The following SCHIP1 variants were observed in gnomAD, a reference collection of about 807,000 sequenced individuals.
SCHIP1 encodes schwannomin-interacting protein 1.
A neutral mutation model predicts 29.7 loss-of-function variants in SCHIP1; 8 were observed. The ratio of observed to expected loss-of-function variants is 0.27; its 90% CI spans 0.16 to 0.49. The LOEUF is 0.49. Among genes scored for constraint, SCHIP1 ranks in the 20% least tolerant of loss-of-function variants. The pLI, the probability that SCHIP1 is intolerant of heterozygous loss-of-function variation, is 0.99. For missense variants in SCHIP1, 193 were observed against 294.6 expected, an observed-to-expected ratio of 0.66 and a Z score of 2.52; for synonymous variants, 76 against 94.9, an observed-to-expected ratio of 0.80 and a Z score of 1.16.
the SCHIP1 span, among the ~76,000 whole-genome samples, chr3:159,810,392 T>G: frequency 6.6e-6 from 1 of 152,206 alleles, no homozygotes; most frequent in South Asian, 2.1e-4. Flanking sequence ...TAAGCATAGT[T>G]TTGTTCAAAC....
At chr3:159,425,391 C>T in the SCHIP1 span, among the ~76,000 whole-genome samples, 2 of 150,276 alleles carry the variant, frequency 1.3e-5, no homozygotes, top group East Asian at 3.9e-4. Flanking sequence ...GGGTTGCAAT[C>T]CTAGTCTCTG....
chr3:159,833,755 G>A, the SCHIP1 span, among the ~76,000 whole-genome samples: 10,214 of 152,158 alleles, frequency 0.067, 1,092 homozygotes, highest in African/African-American at 0.23. Flanking sequence ...CTTCAACTGC[G>A]AATTTTATGA....
chr3:159,850,400 G>A (rs561148496), intron 1 of SCHIP1, among the ~76,000 whole-genome samples: 1 of 151,868 alleles, frequency 6.6e-6, no homozygotes, highest in African/African-American at 2.4e-5. Context: ...CTAAAAATAC[G>A]AAAATTAGCT....
At chr3:159,793,023 T>C in the SCHIP1 span, among the ~76,000 whole-genome samples, 7 of 152,208 alleles carry the variant, frequency 4.6e-5, no homozygotes, top group Admixed American at 4.6e-4. Flanking sequence ...ATGAAAATGT[T>C]TGCAACCAGT....
At chr3:159,302,340 A>G in the SCHIP1 span, among the ~76,000 whole-genome samples, 1 of 151,440 alleles carries the variant, frequency 6.6e-6, no homozygotes, top group Non-Finnish European at 1.5e-5. Context: ...GTTTATTGTA[A>G]TCTAGTAGTT....
At chr3:159,843,397 T>A (rs895177839) in intron 1 of SCHIP1, among the ~76,000 whole-genome samples, 2 of 152,170 alleles carry the variant, frequency 1.3e-5, no homozygotes, top group Non-Finnish European at 1.5e-5. Context: ...TTGTCTATTT[T>A]CTGGCTCCCT....
chr3:159,887,981 G>A, intron 4 of SCHIP1, 76 bp downstream of exon 5: 1 of 1,556,952 alleles, frequency 6.4e-7, no homozygotes. Flanking sequence ...TCCTTTCCCA[G>A]AATTATGCAA....
the SCHIP1 span, among the ~76,000 whole-genome samples, chr3:159,590,522 G>A: frequency 1.3e-5 from 2 of 152,018 alleles, no homozygotes. Flanking sequence ...GTTGCAGTGA[G>A]CTGAAATTGT....
chr3:159,435,961 A>G, the SCHIP1 span, among the ~76,000 whole-genome samples: 1 of 152,144 alleles, frequency 6.6e-6, no homozygotes. Flanking sequence ...GGCCAAAGGG[A>G]AGAAGAGCCA....
the SCHIP1 span, among the ~76,000 whole-genome samples, chr3:159,780,913 C>T: frequency 6.8e-4 from 104 of 152,348 alleles, no homozygotes; most frequent in African/African-American, 2.4e-3. Context: ...CTGATGCCAG[C>T]TCAGATGCGT....
the SCHIP1 span, among the ~76,000 whole-genome samples, chr3:159,276,707 C>T: frequency 6.6e-6 from 1 of 152,158 alleles, no homozygotes; most frequent in South Asian, 2.1e-4. Flanking sequence ...AGGGACTTTT[C>T]ATGCAAGATA....
the SCHIP1 span, among the ~76,000 whole-genome samples, chr3:159,712,544 C>T: frequency 6.6e-6 from 1 of 151,322 alleles, no homozygotes; most frequent in Admixed American, 6.6e-5. Context: ...TAGAGAGACC[C>T]TGTCACTACA....
At chr3:159,866,715 G>T (rs1026589985) in intron 2 of SCHIP1, among the ~76,000 whole-genome samples, 2 of 151,964 alleles carry the variant, frequency 1.3e-5, no homozygotes, top group Non-Finnish European at 2.9e-5. Flanking sequence ...TACAATTCCC[G>T]CTTTGATCAT....
At chr3:159,314,234 T>C in the SCHIP1 span, among the ~76,000 whole-genome samples, 1 of 152,224 alleles carries the variant, frequency 6.6e-6, no homozygotes, top group African/African-American at 2.4e-5. Context: ...GTTTGTAAAC[T>C]TACTGTTTGT....
chr3:159,616,713 G>A, the SCHIP1 span, among the ~76,000 whole-genome samples: 2 of 152,064 alleles, frequency 1.3e-5, no homozygotes, highest in Non-Finnish European at 2.9e-5. Context: ...ATAAATTAGA[G>A]CAACACAGGC....
chr3:159,559,991 T>C, the SCHIP1 span, among the ~76,000 whole-genome samples: 2 of 152,182 alleles, frequency 1.3e-5, no homozygotes, highest in African/African-American at 4.8e-5. Flanking sequence ...TCATACCTAA[T>C]AGCCTAGATA....
chr3:159,395,539 C>G, the SCHIP1 span, among the ~76,000 whole-genome samples: 2 of 151,758 alleles, frequency 1.3e-5, no homozygotes. Context: ...TCGTTGGTTT[C>G]AAAGAACATC....
At chr3:159,450,123 T>C in the SCHIP1 span, among the ~76,000 whole-genome samples, 1 of 152,186 alleles carries the variant, frequency 6.6e-6, no homozygotes, top group African/African-American at 2.4e-5. Flanking sequence ...GTTCAACGAA[T>C]TGGTCTACTT....
Position 159,851,553 on chromosome 3 carries a change from G to A in SCHIP1, c.30+11339G>A, listed in dbSNP as rs566034667. On this transcript the variant is annotated intron_variant, in intron 1 of 6. Transcript: ENST00000445224. ...ACATAGCAACCCCTCCCTCAATAAA[G>A]GGTAGCTGTTAATATATGCCAGGTA... Among the ~76,000 whole-genome samples the A allele has an allele frequency of 2.1e-3, 86 of 40,086 alleles. No individual in the cohort carries two copies. In the East Asian group the frequency reaches 0.058, roughly 27 times the overall value. 26.3% of individuals were successfully genotyped at this position (40,086 alleles called of 152,430 possible).
Sources: allele counts gnomAD v4.1 joint callset (sites outside exome capture counted in the v4.1 genomes callset), GRCh38; gene constraint gnomAD v4.1.1; transcripts MANE v1.5; gene names NCBI Gene and HGNC (gene_info 2026-07-23, HGNC 2026-07-21).